Variants in GPC6 observed in about 807,000 individuals in gnomAD.
The protein encoded by GPC6 is glypican-6.
Under a neutral mutation model 55.2 loss-of-function variants are expected in GPC6, and 14 were observed. The ratio of observed to expected loss-of-function variants is 0.25; its 90% CI spans 0.17 to 0.40. The LOEUF (loss-of-function observed/expected upper bound fraction) is 0.40, where lower values mean the gene tolerates loss of function less well. GPC6 is among the 10% of genes least tolerant of loss of function. The probability of loss-of-function intolerance (pLI) is 1.00; values close to 1 mark genes in which losing one functional copy is unlikely to be tolerated. For synonymous variants in GPC6, 278 were observed against 259.6 expected (o/e 1.07, Z -0.68); for missense variants, 641 against 708.5 (o/e 0.90, Z 1.08).
At chr13:93,554,632 G>A (rs1594262337) in intron 2 of GPC6, among the ~76,000 whole-genome samples, 1 of 152,092 alleles carries the variant, frequency 6.6e-6, no homozygotes, top group African/African-American at 2.4e-5. Flanking sequence ...GTAGTCACTC[G>A]GTGATTTTTC....
chr13:93,678,192 C>A (rs1460634543), intron 2 of GPC6, among the ~76,000 whole-genome samples: 1 of 152,086 alleles, frequency 6.6e-6, no homozygotes, highest in South Asian at 2.1e-4. Context: ...AATATGCATA[C>A]CCTTTCACAA....
intron 4 of GPC6, among the ~76,000 whole-genome samples, chr13:94,191,608 G>T (rs61964468): frequency 1.5e-5 from 2 of 131,820 alleles, no homozygotes; most frequent in Admixed American, 1.6e-4. Flanking sequence ...ATCTTAAGCT[G>T]GAAAAAAAAA....
chr13:93,796,907 C>A (rs1033292541), intron 2 of GPC6, among the ~76,000 whole-genome samples: 1 of 152,204 alleles, frequency 6.6e-6, no homozygotes, highest in Non-Finnish European at 1.5e-5. Flanking sequence ...CTGATGCACA[C>A]CAGTTTCATC....
intron 5 of GPC6, among the ~76,000 whole-genome samples, chr13:94,288,275 A>T (rs934565929): frequency 2.6e-5 from 4 of 152,056 alleles, no homozygotes; most frequent in African/African-American, 7.2e-5. Flanking sequence ...CTTATTATAT[A>T]TTTTTTTCAA....
intron 2 of GPC6, among the ~76,000 whole-genome samples, chr13:93,779,447 A>G (rs1394457204): frequency 1.3e-5 from 2 of 152,216 alleles, no homozygotes; most frequent in African/African-American, 4.8e-5. Flanking sequence ...ACTACAGACA[A>G]CTTGGAAAAA....
chr13:94,190,671 T>G (rs974552672), intron 4 of GPC6, among the ~76,000 whole-genome samples: 3 of 152,196 alleles, frequency 2.0e-5, no homozygotes, highest in Non-Finnish European at 4.4e-5. Flanking sequence ...TTCAATTTAC[T>G]AAAGTTAATA....
chr13:93,565,738 A>G (rs1008300359), intron 2 of GPC6, among the ~76,000 whole-genome samples: 1 of 152,088 alleles, frequency 6.6e-6, no homozygotes. Flanking sequence ...CCTGACCAAC[A>G]TAGTGAAACC....
chr13:93,497,667 C>T (rs778770795), intron 1 of GPC6, among the ~76,000 whole-genome samples: 19 of 152,176 alleles, frequency 1.2e-4, no homozygotes, highest in Non-Finnish European at 1.6e-4. Flanking sequence ...CAATTGATAA[C>T]GTATCAGGTC....
chr13:94,290,085 A>G (rs916176472), intron 5 of GPC6, among the ~76,000 whole-genome samples: 3 of 152,326 alleles, frequency 2.0e-5, no homozygotes, highest in Non-Finnish European at 4.4e-5. Flanking sequence ...GCATAAAAAC[A>G]GTTTTATTTA....
intron 1 of GPC6, among the ~76,000 whole-genome samples, chr13:93,236,079 C>T (rs564787126): frequency 2.6e-5 from 4 of 152,274 alleles, no homozygotes; most frequent in African/African-American, 9.6e-5. Context: ...AACAGTCCCC[C>T]AGCAGAGATG....
At chr13:94,258,302 A>C (rs1891561857) in intron 4 of GPC6, among the ~76,000 whole-genome samples, 1 of 152,206 alleles carries the variant, frequency 6.6e-6, no homozygotes, top group African/African-American at 2.4e-5. Flanking sequence ...GTTGGAATCA[A>C]ATTGGCACTG....
intron 7 of GPC6, among the ~76,000 whole-genome samples, chr13:94,386,315 A>G (rs1880404741): frequency 6.6e-6 from 1 of 151,900 alleles, no homozygotes; most frequent in East Asian, 1.9e-4. Context: ...AGCAGAGATC[A>G]CACCACTGCA....
At position 94,385,957 on chromosome 13, in the gene GPC6, C is replaced by A. The variant is rs548889952; in HGVS notation, c.1289+3407C>A. ...AAAGAAAGAAAAGTTACTTTTATCA[C>A]CTATGTGAAATAAAAGAACTAGAAA... is the stretch of plus-strand genomic sequence containing the variant. On this transcript the variant is annotated intron_variant, in intron 7 of 8. Coordinates refer to ENST00000377047, the MANE Select transcript of GPC6 (RefSeq NM_005708.5). Among the ~76,000 whole-genome samples, 6 of 152,218 alleles carry A rather than the reference C, an allele frequency of 3.9e-5. No homozygotes were observed. In the South Asian group the frequency reaches 1.2e-3, roughly 32 times the overall value.
chr13:93,446,847 G>C (rs538520565), intron 1 of GPC6, among the ~76,000 whole-genome samples: 1 of 152,054 alleles, frequency 6.6e-6, no homozygotes, highest in East Asian at 1.9e-4. Context: ...TTTTTTGTGA[G>C]TGTCATTACT....
intron 4 of GPC6, among the ~76,000 whole-genome samples, chr13:94,194,959 T>C (rs1413181984): frequency 2.0e-5 from 3 of 151,996 alleles, no homozygotes; most frequent in African/African-American, 7.3e-5. Flanking sequence ...CACACACACA[T>C]AACCAAGGGC....
At chr13:93,983,024 G>A (rs1273895217) in intron 3 of GPC6, among the ~76,000 whole-genome samples, 1 of 152,118 alleles carries the variant, frequency 6.6e-6, no homozygotes, top group African/African-American at 2.4e-5. Context: ...TGAGGCTGGA[G>A]TTTTTGTCGT....
chr13:93,605,698 C>T (rs1437920491), intron 2 of GPC6, among the ~76,000 whole-genome samples: 2 of 150,292 alleles, frequency 1.3e-5, no homozygotes, highest in African/African-American at 5.0e-5. Flanking sequence ...AAAAAAAAGC[C>T]AGTCATGATG....
At chr13:93,480,503 A>G (rs1256647841) in intron 1 of GPC6, among the ~76,000 whole-genome samples, 1 of 152,192 alleles carries the variant, frequency 6.6e-6, no homozygotes, top group Non-Finnish European at 1.5e-5. Flanking sequence ...ATCATGTTAT[A>G]ATTTACACAC....
At chr13:93,547,534 TTTGAA>T (rs1169288986) in intron 2 of GPC6, among the ~76,000 whole-genome samples, 1 of 152,180 alleles carries the variant, frequency 6.6e-6, no homozygotes, top group Admixed American at 6.5e-5. Context: ...ATAGGTATAC[TTTGAA>T]TTGTTCTAAT....
Sources: allele counts gnomAD v4.1 joint callset (sites outside exome capture counted in the v4.1 genomes callset), GRCh38; gene constraint gnomAD v4.1.1; transcripts MANE v1.5; gene names NCBI Gene and HGNC (gene_info 2026-07-23, HGNC 2026-07-21).